PTPN21: variants seen among roughly 807,000 people sequenced by gnomAD.
The protein encoded by PTPN21 is tyrosine-protein phosphatase non-receptor type 21.
PTPN21 carries 77 observed loss-of-function variants against 131.8 expected under a neutral mutation model. That is an observed-to-expected ratio of 0.58 (90% confidence interval 0.49 to 0.71). PTPN21 has a LOEUF of 0.71. PTPN21 is among the 30% of genes least tolerant of loss of function. The probability of loss-of-function intolerance (pLI) is 0.00; values close to 1 mark genes in which losing one functional copy is unlikely to be tolerated. For synonymous variants in PTPN21, 715 were observed against 621.3 expected (o/e 1.15, Z -2.24); for missense variants, 1,552 against 1,527.1 (o/e 1.02, Z -0.27).
chr14:88,472,286 A>G lies in PTPN21; in HGVS notation c.2829T>C (p.Thr943=), dbSNP rs2077483588. 6.2e-7 allele frequency: 1 copy of G among 1,613,656 alleles called. No individual in the cohort carries two copies. The highest frequency in any genetic ancestry group is 1.3e-5 in the African/African-American group (1 of 74,888). The change falls in exon 15 of 19, where the codon ACT becomes ACC. Residue 943 remains threonine, a synonymous_variant. Transcript: ENST00000556564. ...YDDVRVELVP[T]KENNTGYINA... is the part of the protein sequence containing the mutation. ...TGATGTAACCAGTGTTGTTTTCTTT[A>G]GTTGGGACCAACTCCACTCTCACAT...
chr14:88,467,242 G>A lies in PTPN21; in HGVS notation c.*895C>T, dbSNP rs981710341. On this transcript the variant is annotated 3_prime_UTR_variant, in exon 19 of 19. Coordinates refer to ENST00000556564, the MANE Select transcript of PTPN21 (RefSeq NM_007039.4). ...CCATTGTTATTGTGTCATCTACAAAGCAACACATATATTAAAACTCAGATT... is the reference window on the plus strand; with the variant it reads ...CCATTGTTATTGTGTCATCTACAAAACAACACATATATTAAAACTCAGATT... 1 of 152,084 alleles carries A rather than the reference G, an allele frequency of 6.6e-6. No homozygotes were observed. Among genetic ancestry groups the A allele is most frequent in the Non-Finnish European group, 1.5e-5 (1 of 68,032 alleles). The allele number at this position is 152,084 out of a possible 1,614,324, so 9.4% of individuals were successfully genotyped here.
At chr14:88,506,453 T>C (rs1405567827) in intron 4 of PTPN21, among the ~76,000 whole-genome samples, 1 of 152,154 alleles carries the variant, frequency 6.6e-6, no homozygotes, top group Non-Finnish European at 1.5e-5. Context: ...TTTATATATG[T>C]ACATTTTAAA....
At chr14:88,512,987 T>C (rs1434993274) in intron 3 of PTPN21, among the ~76,000 whole-genome samples, 2 of 152,170 alleles carry the variant, frequency 1.3e-5, no homozygotes, top group African/African-American at 2.4e-5. Context: ...ATACTGATGA[T>C]TGTTACCTCT....
Position 88,488,059 on chromosome 14 carries a change from T to C in PTPN21, c.933-2217A>G, listed in dbSNP as rs538160881. 2.0e-5 allele frequency among the ~76,000 whole-genome samples: 3 copies of C among 152,246 alleles called. 1 individual carries two copies. The South Asian group carries it at 6.2e-4, about 32-fold the overall frequency. ...CTTTGTCTCTGGTTATTCTTCATTG[T>C]CAGGACTAGGTTTAGGCAAACTGGG... On this transcript the variant is annotated intron_variant, in intron 10 of 18. Coordinates refer to ENST00000556564, the MANE Select transcript of PTPN21 (RefSeq NM_007039.4).
chr14:88,500,941 G>T, intron 7 of PTPN21, 70 bp from the exon 8 acceptor site: 1 of 1,115,520 alleles, frequency 9.0e-7, no homozygotes, highest in Non-Finnish European at 1.4e-6. Flanking sequence ...AGAGTTCCCT[G>T]GACTGGTTTC....
At chr14:88,478,383 T>C (rs1254824021) in intron 13 of PTPN21, among the ~76,000 whole-genome samples, 1 of 152,204 alleles carries the variant, frequency 6.6e-6, no homozygotes, top group African/African-American at 2.4e-5. Flanking sequence ...AAGTGCCACC[T>C]TCCCAACTCC....
chr14:88,512,258 AT>A (rs2078197897), intron 3 of PTPN21: 1 of 152,188 alleles, frequency 6.6e-6, no homozygotes, highest in South Asian at 2.1e-4. Flanking sequence ...TTTTTTAAAA[AT>A]GTAACTACAT....
At chr14:88,522,208 C>T (rs2078404856) in intron 2 of PTPN21, among the ~76,000 whole-genome samples, 1 of 151,888 alleles carries the variant, frequency 6.6e-6, no homozygotes, top group South Asian at 2.1e-4. Flanking sequence ...CAGTGGATCA[C>T]TTGAGGTCAG....
chr14:88,479,850 A>T lies in PTPN21; in HGVS notation c.1581T>A (p.Pro527=). ...CGCCCACCACGGGCCGCCGCTCGGC[A>T]GGGTAGGGGTAGGGAGACGGGCTGT... ...SFHSPSPYPY[P]AERRPVVGAV... is the part of the protein sequence containing the mutation. Residue 527 remains proline, a synonymous_variant, in exon 13 of 19, where the codon CCT becomes CCA. Transcript: ENST00000556564. 2.6e-6 allele frequency: 4 copies of T among 1,559,424 alleles called. No individual in the cohort carries two copies. The highest frequency in any genetic ancestry group is 3.5e-6 in the Non-Finnish European group (4 of 1,157,386).
intron 3 of PTPN21, among the ~76,000 whole-genome samples, chr14:88,510,616 G>C (rs2078162912): frequency 6.6e-6 from 1 of 152,136 alleles, no homozygotes. Flanking sequence ...CGAGAGCAAG[G>C]ACCCAGGAGC....
In PTPN21 at chr14:88,472,248, A is replaced by G; in HGVS notation, c.2867T>C (p.Ile956Thr). The stretch of plus-strand genomic sequence containing the variant: ...TACTTGAGGCGTTCCTCTCACCTTA[A>G]TATGTGATGCGTTGATGTAACCAGT... ...NNTGYINASH[I>T]KVSVSGIEWD... The change falls in exon 15 of 19, where the codon ATT (isoleucine) becomes ACT (threonine). Residue 956 changes from isoleucine (I) to threonine (T), a missense_variant. Ile to Thr is a moderately conservative substitution (Grantham distance 89). Coordinates refer to ENST00000556564, the MANE Select transcript of PTPN21 (RefSeq NM_007039.4). 6.2e-7 allele frequency: 1 copy of G among 1,600,478 alleles called. No homozygotes were observed. The highest frequency in any genetic ancestry group is 8.6e-7 in the Non-Finnish European group (1 of 1,167,902).
intron 9 of PTPN21, 91 bp downstream of exon 9, chr14:88,497,112 G>C (rs1212699906): frequency 6.1e-5 from 62 of 1,014,178 alleles, no homozygotes; most frequent in Non-Finnish European, 9.4e-5. Context: ...TTTTAATGCT[G>C]CCCTGCCTCC....
chr14:88,549,834 C>G (rs2078835082), intron 2 of PTPN21, among the ~76,000 whole-genome samples: 1 of 151,274 alleles, frequency 6.6e-6, no homozygotes, highest in Non-Finnish European at 1.5e-5. Flanking sequence ...GCGATCTCGG[C>G]TCACTGCAGC....
intron 2 of PTPN21, among the ~76,000 whole-genome samples, chr14:88,529,964 G>A (rs573870711): frequency 1.3e-5 from 2 of 150,876 alleles, no homozygotes; most frequent in Non-Finnish European, 2.9e-5. Flanking sequence ...CTGGGCGACA[G>A]AGTCAGACAC....
At chr14:88,501,796 T>C (rs1055984412) in intron 6 of PTPN21, among the ~76,000 whole-genome samples, 3 of 151,116 alleles carry the variant, frequency 2.0e-5, no homozygotes, top group African/African-American at 7.3e-5. Flanking sequence ...CTGGGCAACA[T>C]AGTGAGACCC....
intron 1 of PTPN21, chr14:88,551,277 C>T (rs2078863865): frequency 6.6e-6 from 1 of 152,304 alleles, no homozygotes; most frequent in Admixed American, 6.5e-5. Context: ...ACCCCGGCCC[C>T]TCTCCAGGGT....
At position 88,479,158 on chromosome 14, in the gene PTPN21, A is replaced by C; in HGVS notation, c.2273T>G (p.Leu758Arg). 1 of 1,552,364 alleles carries C rather than the reference A, an allele frequency of 6.4e-7. No homozygotes were observed. Among genetic ancestry groups the C allele is most frequent in the Non-Finnish European group, 8.7e-7 (1 of 1,152,350 alleles). Residue 758 changes from leucine to arginine, a missense_variant, in exon 13 of 19, where the codon CTG (leucine) becomes CGG (arginine). Physicochemically the swap from Leu to Arg is moderately radical, Grantham distance 102 (BLOSUM62 -2). Coordinates refer to ENST00000556564, the MANE Select transcript of PTPN21 (RefSeq NM_007039.4). Reference sequence around the variant, plus strand: ...GTCTGGGACGTGGGCCTTGGGCTCCAGGATGTGCAGGGGCCCGGCGAGCAG... The same window carrying C: ...GTCTGGGACGTGGGCCTTGGGCTCCCGGATGTGCAGGGGCCCGGCGAGCAG... ...RVLLAGPLHI[L>R]EPKAHVPDAE...
At chr14:88,496,537 A>G (rs763529921) in intron 9 of PTPN21, 45 bp from the exon 10 acceptor site, 1 of 1,405,348 alleles carries the variant, frequency 7.1e-7, no homozygotes, top group Admixed American at 1.7e-5. Flanking sequence ...GCACACATAC[A>G]ACTTGATACG....
At chr14:88,484,212 TA>T (rs1162557313) in intron 12 of PTPN21, among the ~76,000 whole-genome samples, 9 of 81,616 alleles carry the variant, frequency 1.1e-4, no homozygotes, top group East Asian at 4.2e-4. Context: ...TACGCCCAGC[TA>T]TTTTTTTTTT....
Sources: allele counts gnomAD v4.1 joint callset (sites outside exome capture counted in the v4.1 genomes callset), GRCh38; gene constraint gnomAD v4.1.1; transcripts MANE v1.5; gene names NCBI Gene and HGNC (gene_info 2026-07-23, HGNC 2026-07-21).